Variants in GRB2 observed in about 807,000 individuals in gnomAD.
GRB2 encodes growth factor receptor-bound protein 2.
GRB2 carries 2 observed loss-of-function variants against 27.4 expected under a neutral mutation model. The ratio of observed to expected loss-of-function variants is 0.07; its 90% CI spans 0.03 to 0.23. The LOEUF is 0.23. Among genes scored for constraint, GRB2 ranks in the 10% least tolerant of loss-of-function variants. The pLI is 1.00. For synonymous variants in GRB2, 94 were observed against 99.6 expected (o/e 0.94, Z 0.33); for missense variants, 102 against 282.4 (o/e 0.36, Z 4.58).
intron 2 of GRB2, among the ~76,000 whole-genome samples, chr17:75,381,209 T>C (rs1294121087): frequency 6.6e-6 from 1 of 152,144 alleles, no homozygotes. Context: ...ACATTTTAAA[T>C]TCACTACAAT....
rs2078461058 is a variant in GRB2, at chr17:75,321,664, G to A, written c.463C>T (p.Pro155Ser). The change falls in exon 5 of 6, where the codon CCA (proline) becomes TCA (serine). Residue 155 changes from proline (P) to serine (S), a missense_variant. Physicochemically the swap from Pro to Ser is moderately conservative, Grantham distance 74. This residue lies in a region of GRB2 where 57 missense variants were observed against 152.9 expected (regional missense o/e 0.37). Transcript: ENST00000316804. ...QIFLRDIEQV[P>S]QQPTYVQALF... ...CTCACCCTGATGAGGCTTACCTGTGGCACCTGTTCTATGTCCCGCAGGAAT... is the reference window on the plus strand; with the variant it reads ...CTCACCCTGATGAGGCTTACCTGTGACACCTGTTCTATGTCCCGCAGGAAT... 1.1e-5 allele frequency: 17 copies of A among 1,613,796 alleles called. No homozygotes were observed. The highest frequency in any genetic ancestry group is 1.7e-5 in the Admixed American group (1 of 59,996).
intron 1 of GRB2, among the ~76,000 whole-genome samples, chr17:75,403,320 G>GT (rs2079076340): frequency 6.6e-6 from 1 of 151,768 alleles, no homozygotes; most frequent in Non-Finnish European, 1.5e-5. Flanking sequence ...CTCTTCTGTT[G>GT]TATGTGTAAC....
intron 2 of GRB2, chr17:75,371,313 G>A (rs1465537833): frequency 6.6e-6 from 1 of 151,968 alleles, no homozygotes; most frequent in African/African-American, 2.4e-5. Context: ...AAAATTCAAG[G>A]GTTTCTATTT....
chr17:75,359,507 A>AAATAATAATAATAATAAT (rs10628038), intron 2 of GRB2, among the ~76,000 whole-genome samples: 1 of 148,206 alleles, frequency 6.7e-6, no homozygotes, highest in African/African-American at 2.5e-5. Context: ...CATTGTCTCA[A>AAATAATAATAATAATAAT]AATAATAATA....
intron 2 of GRB2, among the ~76,000 whole-genome samples, chr17:75,381,924 T>C (rs2078931638): frequency 6.6e-6 from 1 of 151,916 alleles, no homozygotes; most frequent in Non-Finnish European, 1.5e-5. Context: ...CCAAGGGCTT[T>C]TGCCATTTTG....
intron 2 of GRB2, among the ~76,000 whole-genome samples, chr17:75,370,185 G>T (rs971842270): frequency 6.6e-6 from 1 of 152,176 alleles, no homozygotes. Context: ...AAGCTCCAAG[G>T]CTGCCACTAA....
intron 3 of GRB2, among the ~76,000 whole-genome samples, chr17:75,332,050 C>T (rs1014440070): frequency 1.3e-5 from 2 of 152,122 alleles, no homozygotes; most frequent in African/African-American, 2.4e-5. Flanking sequence ...GCAACTGCTT[C>T]TGTGCTAGGA....
intron 2 of GRB2, among the ~76,000 whole-genome samples, chr17:75,359,029 A>G (rs1299268525): frequency 6.7e-6 from 1 of 148,374 alleles, no homozygotes; most frequent in Non-Finnish European, 1.5e-5. Context: ...CTTCACCAAC[A>G]TAGTGAAATT....
At chr17:75,361,835 T>C (rs1264723080) in intron 2 of GRB2, among the ~76,000 whole-genome samples, 6 of 151,882 alleles carry the variant, frequency 4.0e-5, no homozygotes, top group East Asian at 1.9e-4. Context: ...GATGAGAGGA[T>C]TGCTTGAGGC....
chr17:75,325,246 T>C (rs891276831), intron 4 of GRB2, among the ~76,000 whole-genome samples: 1 of 150,008 alleles, frequency 6.7e-6, no homozygotes, highest in African/African-American at 2.4e-5. Flanking sequence ...CCTATGATAA[T>C]ACATTAACTA....
At chr17:75,323,633 T>C (rs2078475512) in intron 4 of GRB2, among the ~76,000 whole-genome samples, 2 of 152,116 alleles carry the variant, frequency 1.3e-5, no homozygotes, top group Non-Finnish European at 2.9e-5. Context: ...AATGGAAGTT[T>C]GAGAGTTTCT....
chr17:75,372,718 G>C (rs2078863889), intron 2 of GRB2: 2 of 152,160 alleles, frequency 1.3e-5, no homozygotes, highest in African/African-American at 2.4e-5. Context: ...TGAATTTTTA[G>C]CCTAATATAA....
chr17:75,386,994 A>AAC lies in GRB2; in HGVS notation c.78+6555_78+6556dup, dbSNP rs574191281. On this transcript the variant is annotated intron_variant, in intron 2 of 5. Transcript: ENST00000316804. ...ATAGAGACCATCCTGGCTAACTAAA[A>AAC]ACACACACACACAAAAATTAGCTGG... Among the ~76,000 whole-genome samples, 61 of 36,024 alleles carry AAC rather than the reference A, an allele frequency of 1.7e-3. 1 individual carries two copies. Among genetic ancestry groups the AAC allele is most frequent in the Non-Finnish European group, 1.6e-3 (9 of 5,560 alleles). 23.6% of individuals were successfully genotyped at this position (36,024 alleles called of 152,430 possible). A position where few individuals can be genotyped will look rare whatever the true frequency, so the allele number is the denominator to read the frequency against.
chr17:75,348,483 G>A (rs554392167), intron 2 of GRB2, among the ~76,000 whole-genome samples: 1 of 152,316 alleles, frequency 6.6e-6, no homozygotes, highest in South Asian at 2.1e-4. Flanking sequence ...TTGTTCAAGT[G>A]TCTACTACAC....
intron 1 of GRB2, among the ~76,000 whole-genome samples, chr17:75,404,416 T>C (rs1172017787): frequency 6.7e-6 from 1 of 149,892 alleles, no homozygotes; most frequent in African/African-American, 2.5e-5. Context: ...GGAAAGAGAG[T>C]CTCTTCCCGA....
At chr17:75,388,592 G>A (rs1469346447) in intron 2 of GRB2, among the ~76,000 whole-genome samples, 2 of 141,222 alleles carry the variant, frequency 1.4e-5, no homozygotes, top group East Asian at 4.8e-4. Flanking sequence ...GTGGGGGGGG[G>A]GAAGAAAAAC....
chr17:75,397,959 G>C (rs1189060507), intron 1 of GRB2, among the ~76,000 whole-genome samples: 4 of 150,216 alleles, frequency 2.7e-5, no homozygotes, highest in African/African-American at 9.8e-5. Context: ...CTCCTGCCTC[G>C]ACCTCCCAAG....
intron 2 of GRB2, among the ~76,000 whole-genome samples, chr17:75,358,881 T>C (rs2078755082): frequency 1.2e-4 from 1 of 8,136 alleles, no homozygotes; most frequent in Admixed American, 1.8e-3. Context: ...AGACTCTGTC[T>C]CAAAAAAAAA....
chr17:75,332,924 G>A (rs1324802888), intron 2 of GRB2, 127 bp from the exon 3 acceptor site: 4 of 571,390 alleles, frequency 7.0e-6, no homozygotes, highest in South Asian at 2.3e-5. Context: ...TCAGTTATAC[G>A]GATATAAGAC....
Sources: gnomAD v4.1 joint callset for allele counts (sites outside exome capture counted in the v4.1 genomes callset) on GRCh38, gnomAD v4.1.1 for gene constraint, gnomAD v4.1.1 regional missense constraint, MANE v1.5 for transcripts, NCBI Gene and HGNC (gene_info 2026-07-23, HGNC 2026-07-21) for gene names.